THSD4: variants seen among roughly 807,000 people sequenced by gnomAD.
THSD4 encodes the protein thrombospondin type-1 domain-containing protein 4.
A neutral mutation model predicts 119.0 loss-of-function variants in THSD4; 69 were observed. The ratio of observed to expected loss-of-function variants is 0.58; its 90% CI spans 0.48 to 0.71. The LOEUF is 0.71. Among genes scored for constraint, THSD4 ranks in the 30% least tolerant of loss-of-function variants. The pLI, the probability that THSD4 is intolerant of heterozygous loss-of-function variation, is 0.00. For missense variants in THSD4, 1,393 were observed against 1,391.1 expected (o/e 1.00, Z -0.02); for synonymous variants, 524 against 540.4 (o/e 0.97, Z 0.42).
At chr15:71,183,873 T>C (rs867417746) in intron 3 of THSD4, 1 of 151,912 alleles carries the variant, frequency 6.6e-6, no homozygotes. Context: ...TAGATGCCAG[T>C]AAGAAACTCT....
At chr15:71,259,106 T>C (rs1596299092) in intron 6 of THSD4, among the ~76,000 whole-genome samples, 1 of 149,220 alleles carries the variant, frequency 6.7e-6, no homozygotes, top group East Asian at 2.0e-4. Context: ...AGAGTGCAAC[T>C]CCGTCTCAAA....
rs768594506 is a variant in THSD4 at position 71,780,516 on chromosome 15, A to G, written c.*3142A>G. 14 of 307,070 alleles carry G rather than the reference A, an allele frequency of 4.6e-5. No homozygotes were observed. Among genetic ancestry groups the G allele is most frequent in the Non-Finnish European group, 8.5e-5 (13 of 152,246 alleles). 19.0% of individuals were successfully genotyped at this position (307,070 alleles called of 1,614,324 possible). ...AAGGGATGGCCTAAGAAATACAACTAAAAAAACAAACAAAAACACCAAAAG... is the reference window on the plus strand; with the variant it reads ...AAGGGATGGCCTAAGAAATACAACTGAAAAAACAAACAAAAACACCAAAAG... On this transcript the variant is annotated 3_prime_UTR_variant, in exon 18 of 18. Transcript: ENST00000261862.
chr15:71,583,323 G>A (rs1432298576), intron 7 of THSD4, among the ~76,000 whole-genome samples: 3 of 151,948 alleles, frequency 2.0e-5, no homozygotes, highest in African/African-American at 7.2e-5. Context: ...CTAGCTAAAG[G>A]TTTGTCAATT....
chr15:71,629,733 T>C (rs1327732807), intron 7 of THSD4, among the ~76,000 whole-genome samples: 1 of 152,184 alleles, frequency 6.6e-6, no homozygotes, highest in African/African-American at 2.4e-5. Context: ...TGTAAGCTTC[T>C]CTTTGTTTAT....
At chr15:71,111,860 A>G, upstream of THSD4, 1 of 534,788 alleles carries the variant, frequency 1.9e-6, no homozygotes. Context: ...TTCAAAGTGC[A>G]ATTTTCAGAA....
intron 7 of THSD4, among the ~76,000 whole-genome samples, chr15:71,633,658 T>G (rs1291141038): frequency 6.6e-6 from 1 of 152,144 alleles, no homozygotes; most frequent in Non-Finnish European, 1.5e-5. Flanking sequence ...ATTATTAATA[T>G]TTGTCTTTCA....
At chr15:71,600,842 G>T (rs2049997036) in intron 7 of THSD4, among the ~76,000 whole-genome samples, 1 of 151,820 alleles carries the variant, frequency 6.6e-6, no homozygotes, top group South Asian at 2.1e-4. Context: ...CACCTCCCGG[G>T]TTCAAACGAT....
intron 3 of THSD4, among the ~76,000 whole-genome samples, chr15:71,180,394 A>T (rs567610073): frequency 6.6e-6 from 1 of 152,302 alleles, no homozygotes; most frequent in East Asian, 1.9e-4. Context: ...ACATTAAAAG[A>T]TGCTCAATGT....
At chr15:71,157,272 G>A (rs2040787673) in intron 3 of THSD4, among the ~76,000 whole-genome samples, 1 of 152,138 alleles carries the variant, frequency 6.6e-6, no homozygotes, top group African/African-American at 2.4e-5. Flanking sequence ...TGTTTGCTCT[G>A]AGAGATGGGG....
intron 6 of THSD4, among the ~76,000 whole-genome samples, chr15:71,359,139 T>A (rs1308370367): frequency 6.6e-6 from 1 of 152,202 alleles, no homozygotes; most frequent in African/African-American, 2.4e-5. Context: ...GCATCTTCTC[T>A]TCTGCTATGA....
intron 7 of THSD4, among the ~76,000 whole-genome samples, chr15:71,579,877 A>G (rs1186855969): frequency 6.6e-6 from 1 of 152,144 alleles, no homozygotes; most frequent in Non-Finnish European, 1.5e-5. Flanking sequence ...CCACAAATTT[A>G]GTGGCTTAAA....
At chr15:71,620,903 A>G (rs1006839146) in intron 7 of THSD4, among the ~76,000 whole-genome samples, 4 of 152,264 alleles carry the variant, frequency 2.6e-5, no homozygotes, top group Admixed American at 6.5e-5. Flanking sequence ...AACCTATGTT[A>G]TGGTCTCCTT....
At chr15:71,416,672 A>C (rs922271116) in intron 7 of THSD4, among the ~76,000 whole-genome samples, 1 of 105,270 alleles carries the variant, frequency 9.5e-6, no homozygotes, top group Non-Finnish European at 2.1e-5. Context: ...TCGCTTGCCC[A>C]TTTTATTTAT....
At chr15:71,560,905 G>A (rs2140879142) in intron 7 of THSD4, among the ~76,000 whole-genome samples, 1 of 151,752 alleles carries the variant, frequency 6.6e-6, no homozygotes, top group African/African-American at 2.4e-5. Context: ...ACAGGCCTGA[G>A]CTTGACTCTC....
rs1225612855 is a variant in THSD4 at position 71,297,998 on chromosome 15, G to A, written c.1015+41283G>A. Among the ~76,000 whole-genome samples the A allele has an allele frequency of 4.6e-5, 7 of 151,980 alleles. No homozygotes were observed. The South Asian group carries it at 1.0e-3, about 23-fold the overall frequency. On this transcript the variant is annotated intron_variant, in intron 6 of 17. Coordinates refer to ENST00000261862, the MANE Select transcript of THSD4 (RefSeq NM_024817.3). ...TTTCGTTGCTCATATTTTTGGTGTCGTATCTAAGAATTCATTGCCCAAATC... is the reference window on the plus strand; with the variant it reads ...TTTCGTTGCTCATATTTTTGGTGTCATATCTAAGAATTCATTGCCCAAATC...
At chr15:71,749,285 A>G (rs2053399638) in intron 14 of THSD4, among the ~76,000 whole-genome samples, 1 of 152,238 alleles carries the variant, frequency 6.6e-6, no homozygotes, top group Admixed American at 6.5e-5. Flanking sequence ...AAAGACACTA[A>G]ACAAATTGTA....
At chr15:71,262,439 T>C (rs2044412074) in intron 6 of THSD4, among the ~76,000 whole-genome samples, 1 of 152,176 alleles carries the variant, frequency 6.6e-6, no homozygotes, top group Non-Finnish European at 1.5e-5. Context: ...GGCAGTTTCA[T>C]AGGAAGCCAC....
At chr15:71,445,382 G>A (rs946848118) in intron 7 of THSD4, among the ~76,000 whole-genome samples, 4 of 152,146 alleles carry the variant, frequency 2.6e-5, no homozygotes, top group Non-Finnish European at 5.9e-5. Context: ...GTGAGTCAGC[G>A]CATAATACTT....
chr15:71,130,570 T>G (rs1219425348), intron 1 of THSD4, among the ~76,000 whole-genome samples: 3 of 152,190 alleles, frequency 2.0e-5, no homozygotes, highest in Non-Finnish European at 4.4e-5. Context: ...CTGCTGCCAC[T>G]TACTACTTGT....
Sources: gnomAD v4.1 joint callset for allele counts (sites outside exome capture counted in the v4.1 genomes callset) on GRCh38, gnomAD v4.1.1 for gene constraint, MANE v1.5 for transcripts, NCBI Gene and HGNC (gene_info 2026-07-23, HGNC 2026-07-21) for gene names.